Variants in LDLRAD4 observed in about 807,000 individuals in gnomAD.
LDLRAD4 encodes the protein low-density lipoprotein receptor class A domain-containing protein 4.
LDLRAD4 carries 5 observed loss-of-function variants against 17.0 expected under a neutral mutation model. That is an observed-to-expected ratio of 0.29 (90% CI 0.15 to 0.62). The LOEUF (loss-of-function observed/expected upper bound fraction) is 0.62. Ranked by LOEUF, LDLRAD4 falls within the 20% of genes least tolerant of loss-of-function variation. The pLI is 0.84. For missense variants in LDLRAD4, 340 were observed against 424.7 expected (o/e 0.80, Z 1.75); for synonymous variants, 168 against 171.8 (o/e 0.98, Z 0.17).
intron 3 of LDLRAD4, among the ~76,000 whole-genome samples, chr18:13,455,992 G>A (rs896304897): frequency 2.0e-5 from 3 of 152,082 alleles, no homozygotes; most frequent in African/African-American, 2.4e-5. Flanking sequence ...AGGAGCGCCC[G>A]CCATGTCCCG....
chr18:13,500,551 T>C (rs2093596336), intron 3 of LDLRAD4: 1 of 152,132 alleles, frequency 6.6e-6, no homozygotes, highest in Admixed American at 6.5e-5. Context: ...TCCATGGCAG[T>C]GTGTGACTGT....
chr18:13,331,896 T>G (rs559552709), intron 1 of LDLRAD4, among the ~76,000 whole-genome samples: 1 of 152,246 alleles, frequency 6.6e-6, no homozygotes, highest in African/African-American at 2.4e-5. Context: ...AGCCAAGATC[T>G]TGCTCTCTTG....
At chr18:13,463,564 C>G (rs766098988) in intron 3 of LDLRAD4, among the ~76,000 whole-genome samples, 2 of 152,238 alleles carry the variant, frequency 1.3e-5, no homozygotes, top group Non-Finnish European at 2.9e-5. Flanking sequence ...AGGAATACAT[C>G]ACGCCTTTGG....
chr18:13,292,770 G>A (rs2046037239), intron 1 of LDLRAD4, among the ~76,000 whole-genome samples: 1 of 151,482 alleles, frequency 6.6e-6, no homozygotes, highest in African/African-American at 2.4e-5. Flanking sequence ...GGCAGCAGTA[G>A]GTGGCCTTCT....
chr18:13,508,854 TC>T (rs1314505527), intron 3 of LDLRAD4, among the ~76,000 whole-genome samples: 1 of 152,192 alleles, frequency 6.6e-6, no homozygotes, highest in Non-Finnish European at 1.5e-5. Context: ...TACTTTTAAG[TC>T]TTATTCTTTA....
At chr18:13,278,830 AG>A (rs897744430) in intron 1 of LDLRAD4, among the ~76,000 whole-genome samples, 6 of 152,092 alleles carry the variant, frequency 3.9e-5, no homozygotes, top group African/African-American at 1.4e-4. Flanking sequence ...CTGCAGTGTC[AG>A]GAGCTCGATA....
At chr18:13,637,067 G>A (rs2042147126) in intron 4 of LDLRAD4, among the ~76,000 whole-genome samples, 1 of 152,072 alleles carries the variant, frequency 6.6e-6, no homozygotes, top group African/African-American at 2.4e-5. Context: ...CAAAGTTCTG[G>A]GATTACAGGC....
chr18:13,578,191 C>T (rs1420982305), intron 3 of LDLRAD4, among the ~76,000 whole-genome samples: 1 of 152,182 alleles, frequency 6.6e-6, no homozygotes, highest in Non-Finnish European at 1.5e-5. Context: ...CCCTGAAGCT[C>T]ATCCGTGGGT....
chr18:13,564,468 C>T (rs568357186), intron 3 of LDLRAD4, among the ~76,000 whole-genome samples: 2 of 151,742 alleles, frequency 1.3e-5, no homozygotes, highest in South Asian at 4.1e-4. Flanking sequence ...TCTTTCCCCT[C>T]TGCTAAGACC....
chr18:13,613,986 C>CCCTCTTA (rs2039850393), intron 3 of LDLRAD4: 1 of 152,230 alleles, frequency 6.6e-6, no homozygotes, highest in Non-Finnish European at 1.5e-5. Context: ...ACAGATCACA[C>CCCTCTTA]CCTCTTAGAG....
intron 3 of LDLRAD4, among the ~76,000 whole-genome samples, chr18:13,550,240 C>T: frequency 6.6e-6 from 1 of 152,156 alleles, no homozygotes; most frequent in East Asian, 1.9e-4. Flanking sequence ...GGGGCAGCTT[C>T]ATGAGGAATA....
chr18:13,621,291 C>T lies in LDLRAD4; in HGVS notation c.336+20C>T, dbSNP rs771663780. ...CCGCAGGTGAGTACCCTGGCCGCCC[C>T]GGCTCCAGAGTCAGGCAGCTGCAAG... On this transcript the variant is annotated intron_variant, in intron 4 of 5. Coordinates refer to ENST00000359446, the Ensembl canonical transcript of LDLRAD4. This position sits in a 1 kb window ranked among gnomAD's most constrained non-coding sequence, Gnocchi z 5.5. 3.9e-5 allele frequency: 62 copies of T among 1,595,010 alleles called. No homozygotes were observed. Among genetic ancestry groups the T allele is most frequent in the Non-Finnish European group, 5.1e-5 (60 of 1,167,342 alleles).
chr18:13,441,956 A>G (rs773543135), intron 3 of LDLRAD4, among the ~76,000 whole-genome samples: 2 of 152,184 alleles, frequency 1.3e-5, no homozygotes, highest in African/African-American at 4.8e-5. Flanking sequence ...CTCCTGGGGA[A>G]TGAGTTTTCC....
intron 3 of LDLRAD4, among the ~76,000 whole-genome samples, chr18:13,446,896 C>A (rs1203880051): frequency 6.8e-6 from 1 of 146,372 alleles, no homozygotes; most frequent in Admixed American, 7.4e-5. Flanking sequence ...GTGGGGCCTG[C>A]CTCGGGGGCC....
chr18:13,491,039 C>T (rs930255944), intron 3 of LDLRAD4, among the ~76,000 whole-genome samples: 3 of 152,144 alleles, frequency 2.0e-5, no homozygotes, highest in African/African-American at 4.8e-5. Flanking sequence ...GTGGCCAAGT[C>T]GTCTCTGCTC....
rs2090487188 is a variant in LDLRAD4, at chr18:13,433,775, T to A, written c.41-4469T>A. Among the ~76,000 whole-genome samples, 3 of 152,334 alleles carry A rather than the reference T, an allele frequency of 2.0e-5. No homozygotes were observed. In the South Asian group the frequency reaches 6.2e-4, roughly 32 times the overall value. ...ATTTCCCCCCTAGTTTTAGGGCTCCTAAAATTCCCTGTTTTTTCAAAGGTT... is the reference window on the plus strand; with the variant it reads ...ATTTCCCCCCTAGTTTTAGGGCTCCAAAAATTCCCTGTTTTTTCAAAGGTT... On this transcript the variant is annotated intron_variant, in intron 2 of 5. Coordinates refer to ENST00000359446, the Ensembl canonical transcript of LDLRAD4.
At chr18:13,530,581 A>G (rs887133114) in intron 3 of LDLRAD4, among the ~76,000 whole-genome samples, 9 of 152,390 alleles carry the variant, frequency 5.9e-5, no homozygotes, top group Middle Eastern at 3.4e-3. Flanking sequence ...TCTGTCTCCC[A>G]GCAGAGAGAG....
intron 3 of LDLRAD4, among the ~76,000 whole-genome samples, chr18:13,533,968 G>A (rs965914611): frequency 6.6e-6 from 1 of 152,114 alleles, no homozygotes; most frequent in Non-Finnish European, 1.5e-5. Flanking sequence ...TGAGAGGGTC[G>A]TGAAGCTCTT....
chr18:13,565,734 G>A (rs2094592235), intron 3 of LDLRAD4, among the ~76,000 whole-genome samples: 1 of 152,246 alleles, frequency 6.6e-6, no homozygotes, highest in Non-Finnish European at 1.5e-5. Flanking sequence ...AATGGTGGCA[G>A]AGCTCTGTAC....
Sources: gnomAD v4.1 joint callset for allele counts (sites outside exome capture counted in the v4.1 genomes callset) on GRCh38, gnomAD v4.1.1 for gene constraint, Gnocchi (gnomAD v3.1) non-coding constraint, MANE v1.5 for transcripts, NCBI Gene and HGNC (gene_info 2026-07-23, HGNC 2026-07-21) for gene names.